Variants in ADAMTSL1 observed in about 807,000 individuals in gnomAD.
ADAMTSL1 encodes the protein ADAMTS-like protein 1.
ADAMTSL1 carries 126 observed loss-of-function variants against 201.8 expected under a neutral mutation model. The observed-to-expected ratio is 0.62, with a 90% CI of 0.54 to 0.72. The LOEUF (loss-of-function observed/expected upper bound fraction) is 0.72. ADAMTSL1 is among the 30% of genes least tolerant of loss of function. The pLI, the probability that ADAMTSL1 is intolerant of heterozygous loss-of-function variation, is 0.00. For missense variants in ADAMTSL1, 2,679 were observed against 2,277.8 expected (o/e 1.18, Z -3.59); for synonymous variants, 1,121 against 903.4 (o/e 1.24, Z -4.32).
intron 13 of ADAMTSL1, among the ~76,000 whole-genome samples, chr9:18,691,610 A>G (rs553159790): frequency 2.4e-4 from 36 of 152,324 alleles, no homozygotes; most frequent in Admixed American, 1.2e-3. Flanking sequence ...ATGCCCTGAC[A>G]AAGATACAAT....
chr9:18,673,919 T>C (rs1209260332), intron 9 of ADAMTSL1, among the ~76,000 whole-genome samples: 2 of 152,122 alleles, frequency 1.3e-5, no homozygotes. Context: ...CTTTAAAATA[T>C]AGTCCTTTTA....
rs1587557786 is a variant in ADAMTSL1 at position 18,558,804 on chromosome 9, G to T, written c.238-15226G>T. Among the ~76,000 whole-genome samples the T allele has an allele frequency of 3.3e-5, 5 of 152,184 alleles. No individual in the cohort carries two copies. In the South Asian group the frequency reaches 1.0e-3, roughly 32 times the overall value. ...TCGTATGTTTGTTGGCCACATAAAT[G>T]TCTTCTTTTGAGAAATGTCTGTTCA... On this transcript the variant is annotated intron_variant, in intron 3 of 28. Transcript: ENST00000380548.
chr9:17,934,530 A>G (rs1047818743), intron 1 of ADAMTSL1, among the ~76,000 whole-genome samples: 2 of 152,138 alleles, frequency 1.3e-5, no homozygotes, highest in East Asian at 1.9e-4. Flanking sequence ...ATTCATGACC[A>G]CTGTCCTCAA....
chr9:18,147,529 C>T (rs1312316909), intron 1 of ADAMTSL1, among the ~76,000 whole-genome samples: 2 of 152,040 alleles, frequency 1.3e-5, no homozygotes, highest in African/African-American at 4.8e-5. Context: ...TGGGGGTATT[C>T]CCTCTTCCTA....
At chr9:18,786,275 C>T (rs1267830639) in intron 19 of ADAMTSL1, among the ~76,000 whole-genome samples, 1 of 152,116 alleles carries the variant, frequency 6.6e-6, no homozygotes, top group Non-Finnish European at 1.5e-5. Flanking sequence ...TCTTCTGGGC[C>T]TAGGTGTTCC....
At position 17,972,025 on chromosome 9, in the gene ADAMTSL1, T is replaced by C. The variant is rs1318215722; in HGVS notation, c.87+65103T>C. 4.6e-5 allele frequency among the ~76,000 whole-genome samples: 7 copies of C among 151,936 alleles called. No individual in the cohort carries two copies. The East Asian group carries it at 9.7e-4, about 21-fold the overall frequency. On this transcript the variant is annotated intron_variant, in intron 1 of 29. Coordinates refer to the ADAMTSL1 transcript ENST00000680146. ...TATTTAAGGCGTACAATGTGATGTT[T>C]TGATATATGTATACATTGTAAAATG...
At chr9:18,899,873 G>A (rs1829900933) in intron 26 of ADAMTSL1, among the ~76,000 whole-genome samples, 1 of 152,146 alleles carries the variant, frequency 6.6e-6, no homozygotes, top group Non-Finnish European at 1.5e-5. Flanking sequence ...TCAGAACATA[G>A]GCATAGGCAA....
intron 15 of ADAMTSL1, among the ~76,000 whole-genome samples, chr9:18,731,583 A>C (rs1381778256): frequency 1.3e-5 from 2 of 152,182 alleles, no homozygotes; most frequent in Non-Finnish European, 2.9e-5. Context: ...GTGAGCCGTG[A>C]GTGCACCATG....
At chr9:18,873,194 T>A (rs1827964235) in intron 23 of ADAMTSL1, among the ~76,000 whole-genome samples, 1 of 152,194 alleles carries the variant, frequency 6.6e-6, no homozygotes, top group African/African-American at 2.4e-5. Flanking sequence ...AGATTCTGGA[T>A]ATTAGTCCTT....
chr9:18,407,646 C>A (rs559931658), intron 2 of ADAMTSL1, among the ~76,000 whole-genome samples: 1 of 152,276 alleles, frequency 6.6e-6, no homozygotes, highest in South Asian at 2.1e-4. Context: ...AGCAAGGTAT[C>A]TACTAAATTA....
At chr9:18,659,488 G>C (rs548864898) in intron 8 of ADAMTSL1, among the ~76,000 whole-genome samples, 1 of 152,242 alleles carries the variant, frequency 6.6e-6, no homozygotes, top group Non-Finnish European at 1.5e-5. Context: ...TAGCTGGCCA[G>C]GTGCAGTGGC....
chr9:18,252,181 T>A (rs1831489882), intron 2 of ADAMTSL1, among the ~76,000 whole-genome samples: 1 of 151,984 alleles, frequency 6.6e-6, no homozygotes, highest in South Asian at 2.1e-4. Context: ...AAATGAAGGG[T>A]TAGTATCCCT....
intron 2 of ADAMTSL1, among the ~76,000 whole-genome samples, chr9:18,175,610 C>T (rs1357252305): frequency 6.6e-6 from 1 of 152,136 alleles, no homozygotes; most frequent in East Asian, 1.9e-4. Flanking sequence ...ATCATATTAT[C>T]AGTTCAGTGC....
chr9:18,505,026 T>C, intron 2 of ADAMTSL1, 70 bp downstream of exon 2: 1 of 1,548,038 alleles, frequency 6.5e-7, no homozygotes, highest in Non-Finnish European at 8.6e-7. Context: ...GCTTTTGTGA[T>C]TGGGTTTATG....
chr9:17,984,566 A>C (rs867257861), intron 1 of ADAMTSL1, among the ~76,000 whole-genome samples: 1 of 152,140 alleles, frequency 6.6e-6, no homozygotes, highest in Non-Finnish European at 1.5e-5. Context: ...TATTATGGTG[A>C]GGAACATACT....
chr9:18,021,121 T>C (rs1309869574), intron 1 of ADAMTSL1, among the ~76,000 whole-genome samples: 1 of 152,158 alleles, frequency 6.6e-6, no homozygotes, highest in African/African-American at 2.4e-5. Context: ...ATTTGTGCTT[T>C]AACAGGTGCT....
chr9:18,176,953 A>C (rs1296779595), intron 2 of ADAMTSL1, among the ~76,000 whole-genome samples: 1 of 152,226 alleles, frequency 6.6e-6, no homozygotes, highest in Non-Finnish European at 1.5e-5. Flanking sequence ...GCAGGTTCAA[A>C]GGAGTTGATG....
chr9:18,209,105 C>A (rs1485187524), intron 2 of ADAMTSL1, among the ~76,000 whole-genome samples: 1 of 151,926 alleles, frequency 6.6e-6, no homozygotes, highest in Non-Finnish European at 1.5e-5. Flanking sequence ...TGTGTGTCTG[C>A]GTGTTGTGAA....
chr9:18,709,171 C>G (rs1276560191), intron 14 of ADAMTSL1, among the ~76,000 whole-genome samples: 2 of 152,082 alleles, frequency 1.3e-5, no homozygotes, highest in African/African-American at 2.4e-5. Context: ...AAGTTAGAGT[C>G]GAAAATTCCA....
Sources: allele counts gnomAD v4.1 joint callset (sites outside exome capture counted in the v4.1 genomes callset), GRCh38; gene constraint gnomAD v4.1.1; transcripts MANE v1.5; gene names NCBI Gene and HGNC (gene_info 2026-07-23, HGNC 2026-07-21).